Variants in TANC1 observed in about 807,000 individuals in gnomAD.
TANC1 encodes tetratricopeptide repeat, ankyrin repeat and coiled-coil containing 1.
A neutral mutation model predicts 149.7 loss-of-function variants in TANC1; 77 were observed. That is an observed-to-expected ratio of 0.51 (90% CI 0.43 to 0.62). The LOEUF (loss-of-function observed/expected upper bound fraction) is 0.62, where lower values mean the gene tolerates loss of function less well. TANC1 is among the 20% of genes least tolerant of loss of function. TANC1 has a pLI of 0.00. For missense variants in TANC1, 1,985 were observed against 2,321.8 expected (o/e 0.85, Z 2.98); for synonymous variants, 854 against 925.0 (o/e 0.92, Z 1.39).
intron 21 of TANC1, 43 bp downstream of exon 21, chr2:159,219,404 A>T: frequency 6.2e-7 from 1 of 1,612,600 alleles, no homozygotes; most frequent in South Asian, 1.1e-5. Context: ...GGACGGACAC[A>T]GAGAGAACTT....
At chr2:159,032,494 G>A (rs1053228618) in intron 2 of TANC1, among the ~76,000 whole-genome samples, 5 of 152,250 alleles carry the variant, frequency 3.3e-5, no homozygotes, top group African/African-American at 1.2e-4. Flanking sequence ...CAAGAATTGT[G>A]CTGCTTTAAA....
At chr2:159,110,030 T>G (rs2047571001) in intron 4 of TANC1, among the ~76,000 whole-genome samples, 1 of 152,234 alleles carries the variant, frequency 6.6e-6, no homozygotes, top group Non-Finnish European at 1.5e-5. Context: ...CATGGTAGTT[T>G]TGCTGTCATA....
rs61099286 is a variant in TANC1 at position 159,066,261 on chromosome 2, A to T, written c.61+290A>T. Among the ~76,000 whole-genome samples the T allele has an allele frequency of 6.6e-3, 1,005 of 152,210 alleles. 6 individuals carry two copies. The highest frequency in any genetic ancestry group is 0.023 in the African/African-American group (945 of 41,530). ...CTTTCCTCTACAAAAAAATTTTAAAAAATTATCCGGGTATGGTGGCACATA... is the reference window on the plus strand; with the variant it reads ...CTTTCCTCTACAAAAAAATTTTAAATAATTATCCGGGTATGGTGGCACATA... On this transcript the variant is annotated intron_variant, in intron 3 of 26. Coordinates refer to ENST00000263635, the MANE Select transcript of TANC1 (RefSeq NM_033394.3).
chr2:159,146,307 G>A (rs1217031074), intron 5 of TANC1, among the ~76,000 whole-genome samples: 2 of 152,204 alleles, frequency 1.3e-5, no homozygotes, highest in Non-Finnish European at 2.9e-5. Flanking sequence ...CTTTTAAGGG[G>A]ATGATCACTG....
chr2:159,023,494 C>A (rs1266501349), intron 2 of TANC1, among the ~76,000 whole-genome samples: 2 of 151,956 alleles, frequency 1.3e-5, no homozygotes, highest in African/African-American at 4.8e-5. Flanking sequence ...GCACATACAA[C>A]CACGCCTGGG....
At chr2:159,210,961 T>G (rs1276496214) in intron 19 of TANC1, among the ~76,000 whole-genome samples, 3 of 152,024 alleles carry the variant, frequency 2.0e-5, no homozygotes, top group Admixed American at 1.3e-4. Context: ...AACCTCCGCC[T>G]CCCAGGTTCA....
At chr2:159,153,245 C>T (rs954596865) in intron 7 of TANC1, among the ~76,000 whole-genome samples, 7 of 152,184 alleles carry the variant, frequency 4.6e-5, no homozygotes, top group Non-Finnish European at 1.0e-4. Flanking sequence ...TTTGTCAAAC[C>T]TTTCAATGTC....
At chr2:159,205,580 G>A (rs1249620193) in intron 19 of TANC1, among the ~76,000 whole-genome samples, 2 of 152,224 alleles carry the variant, frequency 1.3e-5, no homozygotes, top group Non-Finnish European at 2.9e-5. Flanking sequence ...ATCCACTACA[G>A]TAACAGGCTG....
chr2:159,126,624 A>G (rs1452055378), intron 4 of TANC1, among the ~76,000 whole-genome samples: 1 of 152,262 alleles, frequency 6.6e-6, no homozygotes, highest in Non-Finnish European at 1.5e-5. Context: ...ACTGGCTTGC[A>G]GTAGTGTCTC....
chr2:159,035,909 A>G (rs994110250), intron 2 of TANC1, among the ~76,000 whole-genome samples: 3 of 152,218 alleles, frequency 2.0e-5, no homozygotes, highest in East Asian at 1.9e-4. Context: ...CTATGTGTAC[A>G]TGACCTGTTA....
At chr2:159,163,051 CAG>C (rs1179286618) in intron 7 of TANC1, among the ~76,000 whole-genome samples, 5 of 152,206 alleles carry the variant, frequency 3.3e-5, no homozygotes, top group South Asian at 2.1e-4. Context: ...ATCTTCCTAT[CAG>C]AGTTTCTCCC....
intron 4 of TANC1, among the ~76,000 whole-genome samples, chr2:159,122,429 TA>T (rs542704779): frequency 3.0e-4 from 45 of 150,148 alleles, no homozygotes; most frequent in African/African-American, 9.3e-4. Context: ...CTTTTCTAAC[TA>T]AAAAAAAAAT....
At chr2:159,108,958 T>C (rs757995904) in intron 4 of TANC1, among the ~76,000 whole-genome samples, 1 of 152,214 alleles carries the variant, frequency 6.6e-6, no homozygotes, top group Non-Finnish European at 1.5e-5. Flanking sequence ...GGAGCCCCTT[T>C]TCTGGACAAG....
At position 159,170,801 on chromosome 2, in the gene TANC1, T is replaced by C; in HGVS notation, c.1347T>C (p.Pro449=). 6.2e-7 allele frequency: 1 copy of C among 1,613,220 alleles called. No individual in the cohort carries two copies. The highest frequency in any genetic ancestry group is 8.5e-7 in the Non-Finnish European group (1 of 1,179,172). The change falls in exon 10 of 27, where the codon CCT becomes CCC. Residue 449 remains proline, a synonymous_variant. Coordinates refer to ENST00000263635, the MANE Select transcript of TANC1 (RefSeq NM_033394.3). ...CTTCCAACAGCCCGGGTTCATCACC[T>C]AAAAGTACGTGCATGTTTAATTACT... ...QIASNSPGSS[P]KTSDPTQDLH...
chr2:159,199,855 G>A (rs1369404051), intron 19 of TANC1, among the ~76,000 whole-genome samples: 1 of 152,174 alleles, frequency 6.6e-6, no homozygotes, highest in Non-Finnish European at 1.5e-5. Context: ...GCCAAATGGT[G>A]GTGTGAAGAG....
At chr2:159,074,162 C>T (rs894356590) in intron 3 of TANC1, among the ~76,000 whole-genome samples, 14 of 152,212 alleles carry the variant, frequency 9.2e-5, no homozygotes, top group Non-Finnish European at 1.5e-4. Flanking sequence ...ACCTCATCAG[C>T]CATGAAAATA....
At chr2:159,016,031 G>C (rs774451256) in intron 2 of TANC1, among the ~76,000 whole-genome samples, 3 of 152,122 alleles carry the variant, frequency 2.0e-5, no homozygotes, top group Non-Finnish European at 4.4e-5. Flanking sequence ...CTTTTCAGTA[G>C]CACCCCACTC....
At chr2:159,126,404 T>A (rs1271463729) in intron 4 of TANC1, among the ~76,000 whole-genome samples, 1 of 152,242 alleles carries the variant, frequency 6.6e-6, no homozygotes, top group Non-Finnish European at 1.5e-5. Flanking sequence ...TAGATTTTTA[T>A]ATTTGGGTCA....
At chr2:159,112,516 A>G (rs1186381171) in intron 4 of TANC1, among the ~76,000 whole-genome samples, 1 of 150,720 alleles carries the variant, frequency 6.6e-6, no homozygotes, top group Non-Finnish European at 1.5e-5. Flanking sequence ...TCGGCCTCAC[A>G]AAGTGCTGAG....
Sources: gnomAD v4.1 joint callset for allele counts (sites outside exome capture counted in the v4.1 genomes callset) on GRCh38, gnomAD v4.1.1 for gene constraint, MANE v1.5 for transcripts, NCBI Gene and HGNC (gene_info 2026-07-23, HGNC 2026-07-21) for gene names.